The following PDPN variants were observed in gnomAD, a reference collection of about 807,000 sequenced individuals.
PDPN encodes the protein podoplanin, also known as PA2.26 antigen.
A neutral mutation model predicts 23.2 loss-of-function variants in PDPN; 12 were observed. That is an observed-to-expected ratio of 0.52 (90% CI 0.33 to 0.84). The LOEUF is 0.84. Ranked by LOEUF, PDPN falls within the 40% of genes least tolerant of loss-of-function variation. PDPN has a pLI of 0.02. For synonymous variants in PDPN, 77 were observed against 76.7 expected (o/e 1.00, Z -0.02); for missense variants, 199 against 212.2 (o/e 0.94, Z 0.39).
At chr1:13,598,146 G>T (rs758297352) in intron 1 of PDPN, among the ~76,000 whole-genome samples, 30 of 152,006 alleles carry the variant, frequency 2.0e-4, no homozygotes, top group Non-Finnish European at 4.1e-4. Context: ...CTCCCAAGTA[G>T]CTGGGATTAC....
intron 1 of PDPN, among the ~76,000 whole-genome samples, chr1:13,590,783 A>G (rs1347644112): frequency 1.3e-5 from 2 of 150,982 alleles, no homozygotes; most frequent in Non-Finnish European, 3.0e-5. Context: ...GTGGCCCATG[A>G]ATGCTGGTTG....
intron 1 of PDPN, among the ~76,000 whole-genome samples, chr1:13,593,352 G>T (rs1640402750): frequency 6.6e-6 from 1 of 152,088 alleles, no homozygotes; most frequent in Admixed American, 6.6e-5. Flanking sequence ...TGAGTACCTG[G>T]GAAGACAGTC....
At chr1:13,591,523 C>A (rs950466349) in intron 1 of PDPN, among the ~76,000 whole-genome samples, 5 of 152,180 alleles carry the variant, frequency 3.3e-5, no homozygotes, top group Non-Finnish European at 7.3e-5. Flanking sequence ...TCCTCCTCCC[C>A]CTAGACCCTG....
chr1:13,605,901 G>A (rs1421295476), intron 1 of PDPN, among the ~76,000 whole-genome samples: 3 of 152,088 alleles, frequency 2.0e-5, no homozygotes, highest in Admixed American at 1.3e-4. Context: ...GGTTACAGGC[G>A]TGAGCCACCA....
chr1:13,595,936 A>G (rs1640484242), intron 1 of PDPN: 1 of 1,216,284 alleles, frequency 8.2e-7, no homozygotes, highest in Non-Finnish European at 1.1e-6. Flanking sequence ...AGTGGCTCAC[A>G]ACTGTAATCC....
chr1:13,595,920 G>A (rs1184341297), intron 1 of PDPN: 15 of 1,268,066 alleles, frequency 1.2e-5, no homozygotes, highest in East Asian at 1.1e-4. Context: ...TGTTCCGGCC[G>A]GGTGCAGTGG....
chr1:13,610,340 G>A (rs1438537338), intron 2 of PDPN, 47 bp from the exon 3 acceptor site: 3 of 1,564,274 alleles, frequency 1.9e-6, no homozygotes, highest in African/African-American at 1.4e-5. Flanking sequence ...ATATTTTAAA[G>A]ACAGTAGGCT....
intron 5 of PDPN, 38 bp from the exon 6 acceptor site, chr1:13,615,867 G>A: frequency 6.2e-7 from 1 of 1,603,498 alleles, no homozygotes; most frequent in Non-Finnish European, 8.5e-7. Context: ...CACAATGCCA[G>A]TAAGAGACAC....
Position 13,617,545 on chromosome 1 carries a change from G to C in PDPN, c.*1634G>C, listed in dbSNP as rs1641107051. ...CTACCACCACACCCGGCCAATTTTT[G>C]TATTTTTAGTAGAGATGGGGTTTCA... is the stretch of plus-strand genomic sequence containing the variant. On this transcript the variant is annotated 3_prime_UTR_variant, in exon 6 of 6. Coordinates refer to ENST00000621990, the MANE Select transcript of PDPN (RefSeq NM_006474.5). 1 of 152,184 alleles carries C rather than the reference G, an allele frequency of 6.6e-6. No homozygotes were observed. Among genetic ancestry groups the C allele is most frequent in the African/African-American group, 2.4e-5 (1 of 41,450 alleles). 9.4% of individuals were successfully genotyped at this position (152,184 alleles called of 1,614,324 possible).
At chr1:13,614,464 A>G in intron 5 of PDPN, 53 bp downstream of exon 5, 1 of 930,194 alleles carries the variant, frequency 1.1e-6, no homozygotes, top group Non-Finnish European at 1.8e-6. Context: ...CATCGTGTCT[A>G]GAACTCAAAT....
At chr1:13,600,186 G>T (rs1283031053) in intron 1 of PDPN, among the ~76,000 whole-genome samples, 1 of 152,160 alleles carries the variant, frequency 6.6e-6, no homozygotes, top group African/African-American at 2.4e-5. Context: ...CACCTGGGCA[G>T]AAGGGGAAGG....
chr1:13,600,567 G>T (rs12732247), intron 1 of PDPN, among the ~76,000 whole-genome samples: 6 of 152,070 alleles, frequency 3.9e-5, no homozygotes, highest in Non-Finnish European at 7.3e-5. Flanking sequence ...GTTTCACCAC[G>T]TTGGCCAGGC....
intron 1 of PDPN, chr1:13,584,366 C>G: frequency 7.0e-7 from 1 of 1,421,636 alleles, no homozygotes; most frequent in Non-Finnish European, 9.2e-7. Flanking sequence ...GGGCCTCCCT[C>G]CGAGTCGGCA....
chr1:13,609,560 ACT>A (rs1009782713), intron 2 of PDPN, among the ~76,000 whole-genome samples: 3 of 152,006 alleles, frequency 2.0e-5, no homozygotes, highest in African/African-American at 7.2e-5. Flanking sequence ...TAAAACTGAA[ACT>A]CTATACCCAT....
chr1:13,613,983 A>T (rs77919343), intron 4 of PDPN, among the ~76,000 whole-genome samples: 2,503 of 151,254 alleles, frequency 0.017, 69 homozygotes, highest in African/African-American at 0.058. Context: ...ATGGTGTCAT[A>T]TCACAGTTCA....
At chr1:13,598,093 GCAACT>G (rs972272647) in intron 1 of PDPN, among the ~76,000 whole-genome samples, 3 of 151,916 alleles carry the variant, frequency 2.0e-5, no homozygotes, top group Admixed American at 1.3e-4. Flanking sequence ...TCGGCTCACT[GCAACT>G]TCTACCTCCC....
At chr1:13,585,409 A>C (rs1640149683) in intron 1 of PDPN, 1 of 1,074,252 alleles carries the variant, frequency 9.3e-7, no homozygotes, top group Non-Finnish European at 1.2e-6. Context: ...CTATCTTTGG[A>C]ACTTCTCTTT....
At chr1:13,590,445 G>C (rs945189626) in intron 1 of PDPN, among the ~76,000 whole-genome samples, 1 of 152,254 alleles carries the variant, frequency 6.6e-6, no homozygotes, top group Non-Finnish European at 1.5e-5. Flanking sequence ...AGAGATAAGA[G>C]AGAATCTTGG....
chr1:13,600,656 C>T (rs752461089), intron 1 of PDPN, among the ~76,000 whole-genome samples: 16 of 152,150 alleles, frequency 1.1e-4, no homozygotes, highest in Admixed American at 4.6e-4. Flanking sequence ...TGAGCCACCG[C>T]GTTGGGCCAC....
Sources: gnomAD v4.1 joint callset for allele counts (sites outside exome capture counted in the v4.1 genomes callset) on GRCh38, gnomAD v4.1.1 for gene constraint, MANE v1.5 for transcripts, NCBI Gene and HGNC (gene_info 2026-07-23, HGNC 2026-07-21) for gene names.